DLG2: variants seen among roughly 807,000 people sequenced by gnomAD.
DLG2 encodes discs large MAGUK scaffold protein 2, also known as disks large homolog 2.
In DLG2, 45 loss-of-function variants were observed where a neutral mutation model predicts 132.5. The ratio of observed to expected loss-of-function variants is 0.34; its 90% CI spans 0.27 to 0.44. DLG2 has a LOEUF of 0.44. DLG2 is among the 20% of genes least tolerant of loss of function. The pLI is 1.00. For synonymous variants in DLG2, 424 were observed against 419.6 expected, an observed-to-expected ratio of 1.01 and a Z score of -0.13; for missense variants, 1,045 against 1,196.9, an observed-to-expected ratio of 0.87 and a Z score of 1.87.
intron 11 of DLG2, among the ~76,000 whole-genome samples, chr11:84,046,068 TG>T (rs1228684399): frequency 6.6e-6 from 1 of 151,554 alleles, no homozygotes; most frequent in Admixed American, 6.6e-5. Context: ...AAGCATAAAT[TG>T]AAGACTTGGT....
chr11:85,174,507 A>G (rs1024022627), intron 4 of DLG2, among the ~76,000 whole-genome samples: 2 of 152,172 alleles, frequency 1.3e-5, no homozygotes, highest in Non-Finnish European at 2.9e-5. Context: ...GCCACATTAA[A>G]AAGCTAGAAA....
chr11:84,946,898 G>A (rs2050281642), intron 6 of DLG2, among the ~76,000 whole-genome samples: 1 of 152,174 alleles, frequency 6.6e-6, no homozygotes, highest in Non-Finnish European at 1.5e-5. Flanking sequence ...TCTGGCTGCT[G>A]AGATGAATGA....
chr11:84,599,452 C>CTTG (rs1268717793), intron 6 of DLG2, among the ~76,000 whole-genome samples: 4 of 152,058 alleles, frequency 2.6e-5, no homozygotes, highest in Admixed American at 1.3e-4. Context: ...GCTTTAGTGC[C>CTTG]TTGTTTTTGT....
chr11:83,641,233 C>T (rs893660873), intron 18 of DLG2, among the ~76,000 whole-genome samples: 2 of 152,034 alleles, frequency 1.3e-5, no homozygotes, highest in Non-Finnish European at 2.9e-5. Flanking sequence ...TATGATAATT[C>T]AGAATGTTTA....
At chr11:84,539,824 A>G (rs2099363845) in intron 6 of DLG2, among the ~76,000 whole-genome samples, 1 of 152,176 alleles carries the variant, frequency 6.6e-6, no homozygotes, top group Non-Finnish European at 1.5e-5. Context: ...AGGCTACAGT[A>G]ACCAAAACAG....
intron 7 of DLG2, among the ~76,000 whole-genome samples, chr11:84,297,796 C>T (rs1567211710): frequency 6.6e-6 from 1 of 152,160 alleles, no homozygotes; most frequent in Non-Finnish European, 1.5e-5. Context: ...CAGCCTTCTT[C>T]TTGACACTTT....
chr11:84,545,979 C>G (rs2099388977), intron 6 of DLG2, among the ~76,000 whole-genome samples: 1 of 152,104 alleles, frequency 6.6e-6, no homozygotes, highest in Non-Finnish European at 1.5e-5. Context: ...TGGTCTTGAA[C>G]TTCTGATCTC....
chr11:85,333,467 A>C (rs1429570573), intron 3 of DLG2, among the ~76,000 whole-genome samples: 2 of 152,198 alleles, frequency 1.3e-5, no homozygotes, highest in Non-Finnish European at 2.9e-5. Flanking sequence ...TTTCAGTATT[A>C]CATTAAATAG....
intron 3 of DLG2, among the ~76,000 whole-genome samples, chr11:85,522,948 G>A (rs2074433357): frequency 6.6e-6 from 1 of 152,222 alleles, no homozygotes; most frequent in Non-Finnish European, 1.5e-5. Flanking sequence ...TTGGGTGACT[G>A]TTGGAAAGGC....
At chr11:84,523,601 G>A (rs1191585251) in intron 7 of DLG2, among the ~76,000 whole-genome samples, 2 of 152,200 alleles carry the variant, frequency 1.3e-5, no homozygotes, top group African/African-American at 2.4e-5. Flanking sequence ...TGGGAGGGAT[G>A]TAGAAGTTAC....
rs576820344 is a variant in DLG2, at chr11:84,194,780, G to C, written c.574-31269C>G. Among the ~76,000 whole-genome samples the C allele has an allele frequency of 3.2e-4, 48 of 152,348 alleles. No individual in the cohort carries two copies. The East Asian group carries it at 3.3e-3, about 10-fold the overall frequency. On this transcript the variant is annotated intron_variant, in intron 8 of 27. Transcript: ENST00000376104. ...GGGACCCACGCTGGGGCCGCAGGCA[G>C]AGCTGCCTGCCAGTCCCACACCCTG... is the stretch of plus-strand genomic sequence containing the variant.
rs558019526 is a variant in DLG2 at position 85,018,997 on chromosome 11, C to T, written c.357+92664G>A. ...AATACATTGTAACATTTGTGTTGAA[C>T]TGCCCCACACAGCATACTAATGTAG... On this transcript the variant is annotated intron_variant, in intron 6 of 27. Transcript: ENST00000376104. Among the ~76,000 whole-genome samples the T allele has an allele frequency of 2.0e-5, 3 of 152,246 alleles. No individual in the cohort carries two copies. In the East Asian group the frequency reaches 5.8e-4, roughly 29 times the overall value.
intron 6 of DLG2, among the ~76,000 whole-genome samples, chr11:84,538,784 G>A (rs769208179): frequency 3.3e-5 from 5 of 152,178 alleles, no homozygotes; most frequent in Admixed American, 6.5e-5. Context: ...CCAAGAGACC[G>A]TGGACCTAAA....
chr11:84,691,786 A>G (rs761456688), intron 6 of DLG2, among the ~76,000 whole-genome samples: 1 of 151,768 alleles, frequency 6.6e-6, no homozygotes, highest in Non-Finnish European at 1.5e-5. Context: ...CTAATGGTCA[A>G]CACTGATTGA....
At chr11:85,273,863 C>T (rs541373842) in intron 4 of DLG2, among the ~76,000 whole-genome samples, 1 of 152,262 alleles carries the variant, frequency 6.6e-6, no homozygotes, top group East Asian at 1.9e-4. Flanking sequence ...CCCAAATGTC[C>T]ATCAATGATA....
intron 11 of DLG2, among the ~76,000 whole-genome samples, chr11:83,992,840 T>G (rs12789072): frequency 0.022 from 3,373 of 152,228 alleles, 68 homozygotes; most frequent in Middle Eastern, 0.034. Flanking sequence ...CCATTTACTC[T>G]GGTAACAAGA....
At chr11:83,940,658 G>T (rs12271521) in intron 14 of DLG2, among the ~76,000 whole-genome samples, 11,634 of 152,126 alleles carry the variant, frequency 0.076, 611 homozygotes, top group Non-Finnish European at 0.12. Flanking sequence ...ATATTTCTTG[G>T]TCATATTAGC....
At chr11:85,336,746 C>A (rs2082160737) in intron 3 of DLG2, among the ~76,000 whole-genome samples, 1 of 152,186 alleles carries the variant, frequency 6.6e-6, no homozygotes, top group Non-Finnish European at 1.5e-5. Flanking sequence ...CAGAGCAGAG[C>A]ACAGTTGCTT....
chr11:84,628,426 T>C (rs117493223), intron 6 of DLG2, among the ~76,000 whole-genome samples: 1,669 of 152,324 alleles, frequency 0.011, 17 homozygotes, highest in South Asian at 0.022. Context: ...TTGTGTAAAT[T>C]GATTGTATGT....
Sources: allele counts gnomAD v4.1 joint callset (sites outside exome capture counted in the v4.1 genomes callset), GRCh38; gene constraint gnomAD v4.1.1; transcripts MANE v1.5; gene names NCBI Gene and HGNC (gene_info 2026-07-23, HGNC 2026-07-21).